Variants in CEP83 observed in about 807,000 individuals in gnomAD.
CEP83 encodes the protein centrosomal protein of 83 kDa.
Under a neutral mutation model 101.9 loss-of-function variants are expected in CEP83, and 70 were observed. That is an observed-to-expected ratio of 0.69 (90% CI 0.57 to 0.84). CEP83 has a LOEUF of 0.84. CEP83 is among the 40% of genes least tolerant of loss of function. The probability of loss-of-function intolerance (pLI) is 0.00; values close to 1 mark genes in which losing one functional copy is unlikely to be tolerated. For synonymous variants in CEP83, 264 were observed against 267.9 expected, an observed-to-expected ratio of 0.99 and a Z score of 0.14; for missense variants, 715 against 787.2, an observed-to-expected ratio of 0.91 and a Z score of 1.10.
At chr12:94,291,929 C>T in the CEP83 span, among the ~76,000 whole-genome samples, 2 of 152,188 alleles carry the variant, frequency 1.3e-5, no homozygotes, top group Non-Finnish European at 2.9e-5. Flanking sequence ...TTTGGAGTCC[C>T]TCATGTCTAC....
intron 11 of CEP83, among the ~76,000 whole-genome samples, chr12:94,361,032 T>C (rs978747090): frequency 6.6e-6 from 1 of 152,140 alleles, no homozygotes; most frequent in Non-Finnish European, 1.5e-5. Flanking sequence ...TAAATGATTA[T>C]GGGAAAACTG....
At chr12:94,282,684 G>T in the CEP83 span, 1 of 276,488 alleles carries the variant, frequency 3.6e-6, no homozygotes, top group Non-Finnish European at 6.9e-6. Context: ...AAAAAGTCTA[G>T]GAAAGCCAGA....
chr12:94,460,165 C>T (rs1357982372), upstream of CEP83: 6 of 152,200 alleles, frequency 3.9e-5, no homozygotes, highest in Admixed American at 3.9e-4. Context: ...TCCCCAGAGC[C>T]CCAGGGGACG....
In CEP83 at chr12:94,379,018, C is replaced by G. The variant is rs1273820661; in HGVS notation, c.574G>C (p.Glu192Gln). 2 of 1,609,988 alleles carry G rather than the reference C, an allele frequency of 1.2e-6. No individual in the cohort carries two copies. The highest frequency in any genetic ancestry group is 2.7e-5 in the African/African-American group (2 of 74,744). ...TTAAGCAGCTGGTTACGTAGTTCTT[C>G]TTTATCTTCCTCCAGTCTTGCAATC... ...SEIARLEEDK[E>Q]ELRNQLLNVD... Residue 192 changes from glutamate (E) to glutamine (Q), a missense_variant, in exon 7 of 17, where the codon GAA becomes CAA. Transcript: ENST00000397809.
intron 4 of CEP83, among the ~76,000 whole-genome samples, chr12:94,405,963 T>C (rs1393370061): frequency 6.6e-6 from 1 of 152,136 alleles, no homozygotes; most frequent in South Asian, 2.1e-4. Context: ...GCTAGGCAAA[T>C]ACACACCTGA....
intron 3 of CEP83, 127 bp downstream of exon 3, chr12:94,412,191 A>G: frequency 1.4e-6 from 1 of 692,412 alleles, no homozygotes; most frequent in Non-Finnish European, 2.2e-6. Context: ...TTACTATATT[A>G]AAAAAGTTTT....
intron 11 of CEP83, among the ~76,000 whole-genome samples, chr12:94,366,658 TTTCAG>T (rs1313141505): frequency 6.6e-6 from 1 of 152,166 alleles, no homozygotes; most frequent in Non-Finnish European, 1.5e-5. Context: ...AATGTGTAAT[TTTCAG>T]TTCACTGGGA....
chr12:94,345,238 A>T (rs2059877243), intron 11 of CEP83, among the ~76,000 whole-genome samples: 1 of 152,226 alleles, frequency 6.6e-6, no homozygotes, highest in Non-Finnish European at 1.5e-5. Context: ...AACACAAAAA[A>T]TACAAACAAG....
intron 11 of CEP83, among the ~76,000 whole-genome samples, chr12:94,362,049 A>G (rs1174835128): frequency 6.6e-6 from 1 of 152,172 alleles, no homozygotes; most frequent in Non-Finnish European, 1.5e-5. Context: ...AGAATAAACA[A>G]GAAACTCAAA....
At chr12:94,347,074 T>TATAC (rs1555225299) in intron 11 of CEP83, among the ~76,000 whole-genome samples, 1 of 129,748 alleles carries the variant, frequency 7.7e-6, no homozygotes, top group Non-Finnish European at 1.7e-5. Context: ...TATATACACA[T>TATAC]ACACACACAC....
intron 2 of CEP83, among the ~76,000 whole-genome samples, chr12:94,425,314 G>T (rs146903343): frequency 2.0e-4 from 31 of 152,160 alleles, no homozygotes; most frequent in Admixed American, 9.2e-4. Context: ...AGCAGACATT[G>T]CATGGCAGGA....
At chr12:94,280,321 A>G in the CEP83 span, 67 of 157,890 alleles carry the variant, frequency 4.2e-4, 3 homozygotes, top group South Asian at 0.012. Flanking sequence ...GTGGGATTTT[A>G]TAGCAGATAA....
At chr12:94,400,440 A>G (rs2063183189) in intron 6 of CEP83, among the ~76,000 whole-genome samples, 1 of 152,218 alleles carries the variant, frequency 6.6e-6, no homozygotes, top group Admixed American at 6.5e-5. Context: ...CCCCTTGTTT[A>G]TATCAAAGTG....
intron 11 of CEP83, among the ~76,000 whole-genome samples, chr12:94,346,590 G>A (rs932679049): frequency 1.3e-5 from 2 of 152,198 alleles, no homozygotes; most frequent in Non-Finnish European, 2.9e-5. Context: ...AAGTTCCAGA[G>A]TCCTGAAAGT....
At chr12:94,416,371 G>T (rs1297042108) in intron 2 of CEP83, among the ~76,000 whole-genome samples, 1 of 151,882 alleles carries the variant, frequency 6.6e-6, no homozygotes, top group African/African-American at 2.4e-5. Context: ...TATTTCCCTG[G>T]GTTTTCTTTT....
rs141750002 is a variant in CEP83 at position 94,395,680 on chromosome 12, C to T, written c.549+5170G>A. ...CTACTAAAAACACAAAAAAATTAGC[C>T]AGGCATGGTGGGTGCCTGTAGTCCC... On this transcript the variant is annotated intron_variant, in intron 6 of 16. Coordinates refer to ENST00000397809, the MANE Select transcript of CEP83 (RefSeq NM_016122.3). Among the ~76,000 whole-genome samples, 154 of 152,202 alleles carry T rather than the reference C, an allele frequency of 1.0e-3. 2 individuals carry two copies. In the East Asian group the frequency reaches 0.028, roughly 28 times the overall value.
rs574266672 is a variant in CEP83 at position 94,352,222 on chromosome 12, C to G, written c.1343+15572G>C. Among the ~76,000 whole-genome samples the G allele has an allele frequency of 3.9e-5, 6 of 152,218 alleles. No homozygotes were observed. The South Asian group carries it at 8.3e-4, about 21-fold the overall frequency. On this transcript the variant is annotated intron_variant, in intron 11 of 16. Coordinates refer to ENST00000397809, the MANE Select transcript of CEP83 (RefSeq NM_016122.3). ...GATCACGAGGTCAGGAGTTTGAGAA[C>G]AGCCTGGCCAACATACTGAAACCCC... is the stretch of plus-strand genomic sequence containing the variant.
At chr12:94,285,411 G>C in the CEP83 span, among the ~76,000 whole-genome samples, 1 of 152,142 alleles carries the variant, frequency 6.6e-6, no homozygotes, top group African/African-American at 2.4e-5. Flanking sequence ...TGGTTGCGTT[G>C]GGTGATGACT....
At chr12:94,374,741 T>G (rs1391456604) in intron 8 of CEP83, among the ~76,000 whole-genome samples, 1 of 152,184 alleles carries the variant, frequency 6.6e-6, no homozygotes, top group African/African-American at 2.4e-5. Flanking sequence ...GGACTAAAAA[T>G]TCTGTATTCT....
Sources: allele counts gnomAD v4.1 joint callset (sites outside exome capture counted in the v4.1 genomes callset), GRCh38; gene constraint gnomAD v4.1.1; transcripts MANE v1.5; gene names NCBI Gene and HGNC (gene_info 2026-07-23, HGNC 2026-07-21).